The following BRCA1 variants were observed in gnomAD, a reference collection of about 807,000 sequenced individuals.
BRCA1 encodes the protein breast cancer type 1 susceptibility protein.
A neutral mutation model predicts 173.7 loss-of-function variants in BRCA1; 140 were observed. The observed-to-expected ratio is 0.81, with a 90% confidence interval of 0.70 to 0.93. The LOEUF is 0.93. BRCA1 is among the 40% of genes least tolerant of loss of function. The pLI, the probability that BRCA1 is intolerant of heterozygous loss-of-function variation, is 0.00. For synonymous variants in BRCA1, 662 were observed against 756.0 expected (o/e 0.88, Z 2.04); for missense variants, 1,983 against 2,172.5 (o/e 0.91, Z 1.73).
chr17:43,079,331 C>A (rs776303574), intron 12 of BRCA1: 5 of 1,591,682 alleles, frequency 3.1e-6, no homozygotes, highest in Non-Finnish European at 4.3e-6. Flanking sequence ...AGAGGAGAGG[C>A]ACCTGATATA....
chr17:43,094,583 G>T lies in BRCA1; in HGVS notation c.948C>A (p.Ser316Arg), dbSNP rs1555592782. The stretch of plus-strand genomic sequence containing the variant: ...TACTTCCAGCCCATCTGTTATGTTG[G>T]CTCCTTGCTAAGCCAGGCTGTTTGC... ...NKSKQPGLAR[S>R]QHNRWAGSKE... The change falls in exon 10 of 23, where the codon AGC (serine) becomes AGA (arginine). Residue 316 changes from serine to arginine, a missense_variant. By Grantham distance (110) the Ser-to-Arg change is moderately radical (BLOSUM62 -1). Coordinates refer to ENST00000357654, the MANE Select transcript of BRCA1 (RefSeq NM_007294.4). The T allele has an allele frequency of 1.9e-6, 3 of 1,614,010 alleles. No individual in the cohort carries two copies. Among genetic ancestry groups the T allele is most frequent in the Admixed American group, 1.7e-5 (1 of 59,998 alleles).
Position 43,092,049 on chromosome 17 carries a change from T to G in BRCA1, c.3482A>C (p.Glu1161Ala), listed in dbSNP as rs2053579677. The G allele has an allele frequency of 4.3e-6, 7 of 1,613,962 alleles. No individual in the cohort carries two copies. In the South Asian group the frequency reaches 5.5e-5, roughly 13 times the overall value. Residue 1161 changes from glutamate (E) to alanine (A), a missense_variant, in exon 10 of 23, where the codon GAA becomes GCA. Glu to Ala is a moderately radical substitution (Grantham distance 107, BLOSUM62 -1). Transcript: ENST00000357654. ...DDLLDDGEIK[E>A]DTSFAENDIK... is the part of the protein sequence containing the mutation. Reference sequence around the variant, plus strand: ...GTCATTTTCAGCAAAACTAGTATCTTCCTTTATTTCACCATCATCTAACAG... The same window carrying G: ...GTCATTTTCAGCAAAACTAGTATCTGCCTTTATTTCACCATCATCTAACAG...
At chr17:43,139,115 C>T (rs1314763572) in intron 1 of BRCA1, among the ~76,000 whole-genome samples, 17 of 151,730 alleles carry the variant, frequency 1.1e-4, no homozygotes, top group Non-Finnish European at 2.2e-4. Flanking sequence ...CCCCCGGTTC[C>T]TAACACAAAG....
intron 18 of BRCA1, among the ~76,000 whole-genome samples, chr17:43,059,532 C>CA (rs1251241839): frequency 2.0e-5 from 3 of 151,606 alleles, no homozygotes; most frequent in Admixed American, 2.0e-4. Context: ...ACATCTAAAA[C>CA]AGAGTTCCTG....
chr17:43,146,402 G>A (rs1026132761), intron 1 of BRCA1, among the ~76,000 whole-genome samples: 4 of 142,858 alleles, frequency 2.8e-5, no homozygotes, highest in African/African-American at 1.0e-4. Context: ...TCTGCCTCCC[G>A]GGTTCACGCC....
At chr17:43,055,192 G>C (rs1567763246) in intron 19 of BRCA1, among the ~76,000 whole-genome samples, 4 of 152,328 alleles carry the variant, frequency 2.6e-5, no homozygotes, top group Admixed American at 2.6e-4. Flanking sequence ...CTCCCTGTGA[G>C]GAAGTCAGAG....
At chr17:43,098,978 G>A (rs1330665779) in intron 7 of BRCA1, among the ~76,000 whole-genome samples, 5 of 149,514 alleles carry the variant, frequency 3.3e-5, no homozygotes, top group Non-Finnish European at 5.9e-5. Context: ...CCACCACCCC[G>A]GCTAATTTTT....
intron 11 of BRCA1, among the ~76,000 whole-genome samples, chr17:43,083,340 G>C (rs2053102987): frequency 6.6e-6 from 1 of 151,982 alleles, no homozygotes; most frequent in Non-Finnish European, 1.5e-5. Flanking sequence ...AATTTTTGTA[G>C]AAACAGGGTT....
intron 9 of BRCA1, 67 bp from the exon 10 acceptor site, chr17:43,094,927 T>G (rs1417490516): frequency 7.0e-7 from 1 of 1,438,108 alleles, no homozygotes; most frequent in Non-Finnish European, 9.5e-7. Context: ...ACATACTTCA[T>G]ACACCTTGGA....
chr17:43,055,791 G>A (rs527414650), intron 19 of BRCA1, among the ~76,000 whole-genome samples: 39 of 152,188 alleles, frequency 2.6e-4, no homozygotes, highest in African/African-American at 9.1e-4. Context: ...AAATTAGCTA[G>A]TTGTTGTGGC....
rs1014146864 is a variant in BRCA1, at chr17:43,067,765, C to T, written c.4987-70G>A. The T allele has an allele frequency of 2.3e-5, 27 of 1,177,800 alleles. No individual in the cohort carries two copies. The highest frequency in any genetic ancestry group is 3.0e-5 in the Non-Finnish European group (24 of 791,000). The allele number at this position is 1,177,800 out of a possible 1,614,324, so 73.0% of individuals were successfully genotyped here. ...ACACAGCTCAGAATACTAGTTATTCCACCATGGCATATGTTTACCTATGTA... is the reference window on the plus strand; with the variant it reads ...ACACAGCTCAGAATACTAGTTATTCTACCATGGCATATGTTTACCTATGTA... On this transcript the variant is annotated intron_variant, in intron 15 of 22. Coordinates refer to ENST00000357654, the MANE Select transcript of BRCA1 (RefSeq NM_007294.4).
At chr17:43,126,010 A>G (rs1311416025), upstream of BRCA1, among the ~76,000 whole-genome samples, 1 of 152,168 alleles carries the variant, frequency 6.6e-6, no homozygotes, top group Non-Finnish European at 1.5e-5. Flanking sequence ...CGTATTTTGA[A>G]AGCAGAAACT....
At chr17:43,115,489 G>A (rs974276234) in intron 3 of BRCA1, among the ~76,000 whole-genome samples, 21 of 143,452 alleles carry the variant, frequency 1.5e-4, no homozygotes, top group Admixed American at 9.1e-4. Context: ...GCGACAGAGC[G>A]AGACTTTGTC....
At position 43,045,765 on chromosome 17, in the gene BRCA1, T is replaced by G. The variant is rs2050879074; in HGVS notation, c.5505A>C (p.Arg1835=). 6.2e-7 allele frequency: 1 copy of G among 1,614,132 alleles called. No individual in the cohort carries two copies. The highest frequency in any genetic ancestry group is 1.1e-5 in the South Asian group (1 of 91,080). ...GQMCEAPVVT[R]EWVLDSVALY... is the part of the protein sequence containing the mutation. ...GTGCTACACTGTCCAACACCCACTC[T>G]CGGGTCACCACAGGTGCCTCACACA... is the stretch of plus-strand genomic sequence containing the variant. The change falls in exon 23 of 23, where the codon CGA becomes CGC. Residue 1835 remains arginine, a synonymous_variant. Transcript: ENST00000357654.
rs531210457 is a variant in BRCA1, at chr17:43,049,125, C to T, written c.5402G>A (p.Gly1801Asp). 19 of 1,613,860 alleles carry T rather than the reference C, an allele frequency of 1.2e-5. No individual in the cohort carries two copies. In the South Asian group the frequency reaches 2.0e-4, roughly 17 times the overall value. The change falls in exon 21 of 23, where the codon GGC becomes GAC. Residue 1801 changes from glycine to aspartate, a missense_variant. Physicochemically the swap from Gly to Asp is moderately conservative, Grantham distance 94. Coordinates refer to ENST00000357654, the MANE Select transcript of BRCA1 (RefSeq NM_007294.4). ...VVKELSSFTLGTGVHPIVVVQ... is the reference protein window; with the variant it reads ...VVKELSSFTLDTGVHPIVVVQ... ...GACAGGGCACCCAATACTTACTGTG[C>T]CAAGGGTGAATGATGAAAGCTCCTT...
At chr17:43,169,393 TC>T in intron 1 of BRCA1, among the ~76,000 whole-genome samples, 1 of 152,278 alleles carries the variant, frequency 6.6e-6, no homozygotes, top group East Asian at 1.9e-4. Context: ...GGTCTCGAAC[TC>T]CTGACCTCGT....
At chr17:43,113,107 C>T (rs1465610038) in intron 3 of BRCA1, among the ~76,000 whole-genome samples, 1 of 151,434 alleles carries the variant, frequency 6.6e-6, no homozygotes, top group East Asian at 2.0e-4. Flanking sequence ...CCGGCCTCAA[C>T]AGCTGTCTTT....
At chr17:43,131,604 C>T (rs2055966107) in intron 1 of BRCA1, among the ~76,000 whole-genome samples, 1 of 151,890 alleles carries the variant, frequency 6.6e-6, no homozygotes, top group African/African-American at 2.4e-5. Context: ...GCCTGTAGTC[C>T]TAGCTACTTG....
At chr17:43,054,686 C>T (rs1482708096) in intron 19 of BRCA1, among the ~76,000 whole-genome samples, 1 of 151,994 alleles carries the variant, frequency 6.6e-6, no homozygotes, top group South Asian at 2.1e-4. Context: ...AGTGATCCTC[C>T]TGCCTTGGCC....
Sources: gnomAD v4.1 joint callset for allele counts (sites outside exome capture counted in the v4.1 genomes callset) on GRCh38, gnomAD v4.1.1 for gene constraint, MANE v1.5 for transcripts, NCBI Gene and HGNC (gene_info 2026-07-23, HGNC 2026-07-21) for gene names.